The following RASSF8 variants were observed in gnomAD, a reference collection of about 807,000 sequenced individuals.
The protein encoded by RASSF8 is Ras association domain family member 8, also known as ras association domain-containing protein 8.
Under a neutral mutation model 48.5 loss-of-function variants are expected in RASSF8, and 22 were observed. That is an observed-to-expected ratio of 0.45 (90% CI 0.32 to 0.65). The LOEUF (loss-of-function observed/expected upper bound fraction) is 0.65. Among genes scored for constraint, RASSF8 ranks in the 30% least tolerant of loss-of-function variants. RASSF8 has a pLI of 0.03. For missense variants in RASSF8, 418 were observed against 489.2 expected, an observed-to-expected ratio of 0.85 and a Z score of 1.37; for synonymous variants, 127 against 171.5, an observed-to-expected ratio of 0.74 and a Z score of 2.03.
intron 2 of RASSF8, among the ~76,000 whole-genome samples, chr12:26,049,257 G>A (rs1454907763): frequency 6.6e-6 from 1 of 152,196 alleles, no homozygotes; most frequent in East Asian, 1.9e-4. Context: ...TTTTAGTGGT[G>A]TTGGCTAGTA....
intron 1 of RASSF8, among the ~76,000 whole-genome samples, chr12:25,981,223 A>G (rs542237830): frequency 6.6e-6 from 1 of 152,242 alleles, no homozygotes; most frequent in African/African-American, 2.4e-5. Context: ...AGGAAACGAG[A>G]TGACGTGGGG....
intron 3 of RASSF8, among the ~76,000 whole-genome samples, chr12:26,061,898 T>G (rs573970737): frequency 3.4e-4 from 52 of 152,332 alleles, no homozygotes; most frequent in African/African-American, 1.2e-3. Context: ...ATGTGCATTA[T>G]TTAACAAAAG....
At chr12:26,039,486 G>T (rs1294661197) in intron 2 of RASSF8, among the ~76,000 whole-genome samples, 2 of 152,006 alleles carry the variant, frequency 1.3e-5, no homozygotes, top group Non-Finnish European at 2.9e-5. Context: ...GGGGGCGGGG[G>T]TCGGTGTTGC....
At chr12:26,020,503 C>T (rs1383708404) in intron 2 of RASSF8, 2 of 152,000 alleles carry the variant, frequency 1.3e-5, no homozygotes, top group African/African-American at 4.8e-5. Flanking sequence ...TAAGAGAAAA[C>T]ACTTTACAAA....
At chr12:25,997,879 T>G (rs1443113250) in intron 2 of RASSF8, among the ~76,000 whole-genome samples, 6 of 152,230 alleles carry the variant, frequency 3.9e-5, no homozygotes, top group Non-Finnish European at 8.8e-5. Flanking sequence ...TTTGCATGTT[T>G]CAGTGCTTTG....
chr12:25,978,078 C>T (rs573002669), intron 1 of RASSF8, among the ~76,000 whole-genome samples: 2 of 152,206 alleles, frequency 1.3e-5, no homozygotes, highest in African/African-American at 4.8e-5. Flanking sequence ...TGAGCGAATG[C>T]ACTTTGATGG....
intron 1 of RASSF8, among the ~76,000 whole-genome samples, chr12:25,974,300 G>A (rs930764894): frequency 6.6e-6 from 1 of 152,136 alleles, no homozygotes; most frequent in African/African-American, 2.4e-5. Flanking sequence ...CAATACGCGA[G>A]AAGTGCCACA....
chr12:26,073,811 TATATACAC>T (rs1408314075), downstream of RASSF8, among the ~76,000 whole-genome samples: 394 of 107,066 alleles, frequency 3.7e-3, 3 homozygotes, highest in African/African-American at 0.016. Context: ...CACACACATA[TATATACAC>T]ATACACACAC....
chr12:26,066,874 C>G (rs2137314939), intron 4 of RASSF8, among the ~76,000 whole-genome samples: 1 of 152,280 alleles, frequency 6.6e-6, no homozygotes, highest in East Asian at 1.9e-4. Flanking sequence ...TAATAGGATG[C>G]CCCTCCTTGC....
chr12:26,073,729 G>GTCTCTCTC (rs1944039276), downstream of RASSF8, among the ~76,000 whole-genome samples: 5 of 37,728 alleles, frequency 1.3e-4, no homozygotes, highest in Non-Finnish European at 1.9e-4. Context: ...ACAAAAGCGA[G>GTCTCTCTC]ACTCTCTCTC....
rs981682883 is a variant in RASSF8, at chr12:26,070,368, A to T, written c.*1550A>T. 3.0e-6 allele frequency: 3 copies of T among 985,250 alleles called. No individual in the cohort carries two copies. Among genetic ancestry groups the T allele is most frequent in the Admixed American group, 6.1e-5 (1 of 16,266 alleles). 61.0% of individuals were successfully genotyped at this position (985,250 alleles called of 1,614,324 possible). A position where few individuals can be genotyped will look rare whatever the true frequency, so the allele number is the denominator to read the frequency against. The stretch of plus-strand genomic sequence containing the variant: ...TATGAAATTTTTAAGAATGGCTATG[A>T]GACTGTATAGAAGCTTCTAGAGAAC... On this transcript the variant is annotated 3_prime_UTR_variant, in exon 6 of 6. Transcript: ENST00000689635.
intron 1 of RASSF8, among the ~76,000 whole-genome samples, chr12:25,994,802 T>A (rs1942094276): frequency 6.6e-6 from 1 of 152,148 alleles, no homozygotes; most frequent in Non-Finnish European, 1.5e-5. Flanking sequence ...AATTCCTTTT[T>A]CAAAAGCACA....
At chr12:26,060,366 A>G (rs1430390889) in intron 3 of RASSF8, among the ~76,000 whole-genome samples, 1 of 152,178 alleles carries the variant, frequency 6.6e-6, no homozygotes, top group Admixed American at 6.6e-5. Context: ...TTATTGTATC[A>G]CTGTTATTCT....
chr12:26,016,495 T>C (rs1333412455), intron 2 of RASSF8, among the ~76,000 whole-genome samples: 1 of 152,180 alleles, frequency 6.6e-6, no homozygotes, highest in African/African-American at 2.4e-5. Context: ...ATTTGGAACC[T>C]GGGGTACAGG....
chr12:25,960,009 T>C (rs764538868), intron 1 of RASSF8, among the ~76,000 whole-genome samples: 6 of 152,044 alleles, frequency 3.9e-5, no homozygotes, highest in Non-Finnish European at 8.8e-5. Flanking sequence ...CTTAAACCTG[T>C]CAGGTTAGCC....
chr12:25,969,465 T>C (rs1941434044), intron 1 of RASSF8, among the ~76,000 whole-genome samples: 1 of 152,114 alleles, frequency 6.6e-6, no homozygotes, highest in Admixed American at 6.5e-5. Context: ...ATTAGTAAAA[T>C]TGAAAAGGTT....
At chr12:26,015,626 T>C (rs1332977291) in intron 2 of RASSF8, among the ~76,000 whole-genome samples, 2 of 150,222 alleles carry the variant, frequency 1.3e-5, no homozygotes, top group African/African-American at 4.9e-5. Flanking sequence ...TGAAGTTACT[T>C]ATCTCAGTTT....
At chr12:26,036,760 TAAAA>T (rs1170900623) in intron 2 of RASSF8, among the ~76,000 whole-genome samples, 2 of 151,182 alleles carry the variant, frequency 1.3e-5, no homozygotes, top group African/African-American at 4.9e-5. Flanking sequence ...AAATAAAAAA[TAAAA>T]AAATAAAAAA....
chr12:25,958,237 G>A (rs1450684340), upstream of RASSF8: 2 of 151,974 alleles, frequency 1.3e-5, no homozygotes, highest in African/African-American at 4.8e-5. Context: ...ACCGTAGAGG[G>A]CAGTTTGACA....
Sources: gnomAD v4.1 joint callset for allele counts (sites outside exome capture counted in the v4.1 genomes callset) on GRCh38, gnomAD v4.1.1 for gene constraint, MANE v1.5 for transcripts, NCBI Gene and HGNC (gene_info 2026-07-23, HGNC 2026-07-21) for gene names.